The following RNF141 variants were observed in gnomAD, a reference collection of about 807,000 sequenced individuals.
RNF141 encodes C3HC4-like zinc finger protein.
A neutral mutation model predicts 27.4 loss-of-function variants in RNF141; 18 were observed. The ratio of observed to expected loss-of-function variants is 0.66; its 90% CI spans 0.45 to 0.97. The LOEUF is 0.97. RNF141 is among the 50% of genes least tolerant of loss of function. The pLI, the probability that RNF141 is intolerant of heterozygous loss-of-function variation, is 0.00. For synonymous variants in RNF141, 97 were observed against 96.6 expected (o/e 1.00, Z -0.02); for missense variants, 230 against 279.4 (o/e 0.82, Z 1.26).
intron 1 of RNF141, among the ~76,000 whole-genome samples, chr11:10,539,170 G>A (rs1380919878): frequency 6.6e-6 from 1 of 152,158 alleles, no homozygotes; most frequent in African/African-American, 2.4e-5. Flanking sequence ...CAAATGAATT[G>A]TGGAAGTTCA....
chr11:10,534,277 T>A, intron 1 of RNF141, 72 bp from the exon 2 acceptor site: 2 of 1,119,656 alleles, frequency 1.8e-6, no homozygotes, highest in African/African-American at 1.6e-5. Context: ...TTCAAAAACA[T>A]AAAGAAAAAC....
chr11:10,533,519 AATG>A (rs1473997551), intron 2 of RNF141, among the ~76,000 whole-genome samples: 1 of 150,590 alleles, frequency 6.6e-6, no homozygotes, highest in Non-Finnish European at 1.5e-5. Flanking sequence ...CCTCTAGCAA[AATG>A]ATGACACAGT....
Position 10,514,782 on chromosome 11 carries a change from G to C in RNF141, c.*134C>G. ...GTTTATTTTTAAAAGGGGGACAAAT[G>C]ATCAGAATAGCAAAAATAAAAGAGT... On this transcript the variant is annotated 3_prime_UTR_variant, in exon 6 of 6. Coordinates refer to ENST00000265981, the MANE Select transcript of RNF141 (RefSeq NM_016422.4). 3 of 775,298 alleles carry C rather than the reference G, an allele frequency of 3.9e-6. 1 individual carries two copies. The South Asian group carries it at 9.0e-5, about 23-fold the overall frequency. The allele number at this position is 775,298 out of a possible 1,614,324, so 48.0% of individuals were successfully genotyped here.
chr11:10,526,813 A>G (rs780143950), intron 3 of RNF141, among the ~76,000 whole-genome samples: 2 of 152,110 alleles, frequency 1.3e-5, no homozygotes, highest in Non-Finnish European at 2.9e-5. Context: ...GTCATATACC[A>G]TACTAAGAAA....
At chr11:10,521,086 G>A (rs1267891527) in intron 4 of RNF141, among the ~76,000 whole-genome samples, 1 of 152,090 alleles carries the variant, frequency 6.6e-6, no homozygotes, top group African/African-American at 2.4e-5. Context: ...TCATCTTCTT[G>A]GGAAGAAAAA....
intron 4 of RNF141, among the ~76,000 whole-genome samples, chr11:10,524,813 T>TA (rs1311392239): frequency 6.6e-6 from 1 of 150,968 alleles, no homozygotes; most frequent in African/African-American, 2.4e-5. Context: ...AGACATTTTT[T>TA]AAAAAAAGTG....
chr11:10,531,119 G>C (rs541415681), intron 2 of RNF141, among the ~76,000 whole-genome samples: 32 of 152,288 alleles, frequency 2.1e-4, no homozygotes, highest in African/African-American at 7.0e-4. Flanking sequence ...GCTCACACCT[G>C]TAATCCCAGC....
chr11:10,533,085 G>A (rs1335345882), intron 2 of RNF141, among the ~76,000 whole-genome samples: 4 of 152,124 alleles, frequency 2.6e-5, no homozygotes, highest in African/African-American at 7.2e-5. Context: ...TGACTCCACA[G>A]GTTCTAATTA....
chr11:10,532,864 C>T (rs544589749), intron 2 of RNF141, among the ~76,000 whole-genome samples: 3 of 152,092 alleles, frequency 2.0e-5, no homozygotes, highest in Non-Finnish European at 4.4e-5. Flanking sequence ...TTTCATTCAG[C>T]CTTTTTAGGG....
chr11:10,531,949 C>T, intron 2 of RNF141: 3 of 444,198 alleles, frequency 6.8e-6, no homozygotes, highest in Non-Finnish European at 1.4e-5. Flanking sequence ...CACTGCACGT[C>T]TGAAATGCCA....
intron 2 of RNF141, among the ~76,000 whole-genome samples, chr11:10,533,411 TAAG>T (rs1416450644): frequency 4.6e-5 from 7 of 151,780 alleles, no homozygotes; most frequent in African/African-American, 1.7e-4. Context: ...GTCAAAGAGT[TAAG>T]TAGAAATTTA....
intron 3 of RNF141, among the ~76,000 whole-genome samples, chr11:10,525,754 G>A (rs1192500012): frequency 1.2e-4 from 19 of 152,068 alleles, no homozygotes; most frequent in Admixed American, 1.1e-3. Flanking sequence ...TCCAACAACC[G>A]CATGAGATTC....
chr11:10,534,370 A>G (rs905083570), intron 1 of RNF141, among the ~76,000 whole-genome samples, 165 bp from the exon 2 acceptor site: 2 of 152,176 alleles, frequency 1.3e-5, no homozygotes, highest in African/African-American at 4.8e-5. Context: ...AGATTCACAT[A>G]GCTAAATGAG....
At chr11:10,517,465 T>A (rs995734198) in intron 5 of RNF141, 2 of 151,992 alleles carry the variant, frequency 1.3e-5, no homozygotes, top group African/African-American at 4.8e-5. Context: ...AAATAATGGC[T>A]GAAAAATTTC....
At chr11:10,526,574 G>A (rs1170185888) in intron 3 of RNF141, among the ~76,000 whole-genome samples, 3 of 152,018 alleles carry the variant, frequency 2.0e-5, no homozygotes, top group Admixed American at 6.5e-5. Flanking sequence ...ATGAGGTCAG[G>A]AGATTGAGAC....
intron 3 of RNF141, among the ~76,000 whole-genome samples, chr11:10,526,745 G>A (rs1295892022): frequency 6.6e-6 from 1 of 150,468 alleles, no homozygotes; most frequent in Non-Finnish European, 1.5e-5. Flanking sequence ...TGGCGCCACT[G>A]CACTCCAGCC....
At chr11:10,526,811 C>T (rs1849940170) in intron 3 of RNF141, among the ~76,000 whole-genome samples, 1 of 151,464 alleles carries the variant, frequency 6.6e-6, no homozygotes, top group African/African-American at 2.4e-5. Flanking sequence ...GAGTCATATA[C>T]CATACTAAGA....
At chr11:10,535,720 C>T (rs1993820) in intron 1 of RNF141, among the ~76,000 whole-genome samples, 151,827 of 152,288 alleles carry the variant, frequency 1, 75,685 homozygotes, top group Middle Eastern at 1. Context: ...ACAAAAATCT[C>T]AAAAAGAACT....
At chr11:10,533,403 CAA>C (rs951303782) in intron 2 of RNF141, among the ~76,000 whole-genome samples, 26 of 151,402 alleles carry the variant, frequency 1.7e-4, no homozygotes, top group African/African-American at 5.8e-4. Context: ...GAAATTTAGT[CAA>C]AGAGTTAAGT....
Sources: gnomAD v4.1 joint callset for allele counts (sites outside exome capture counted in the v4.1 genomes callset) on GRCh38, gnomAD v4.1.1 for gene constraint, MANE v1.5 for transcripts, NCBI Gene and HGNC (gene_info 2026-07-23, HGNC 2026-07-21) for gene names.